ARHGAP15: variants seen among roughly 807,000 people sequenced by gnomAD.
ARHGAP15 encodes Rho GTPase activating protein 15.
A neutral mutation model predicts 63.7 loss-of-function variants in ARHGAP15; 51 were observed. That is an observed-to-expected ratio of 0.80 (90% CI 0.64 to 1.01). The LOEUF (loss-of-function observed/expected upper bound fraction) is 1.01, where lower values mean the gene tolerates loss of function less well. ARHGAP15 is among the 50% of genes least tolerant of loss of function. The pLI, the probability that ARHGAP15 is intolerant of heterozygous loss-of-function variation, is 0.00. For missense variants in ARHGAP15, 560 were observed against 564.6 expected (o/e 0.99, Z 0.08); for synonymous variants, 191 against 193.8 (o/e 0.99, Z 0.12).
intron 10 of ARHGAP15, among the ~76,000 whole-genome samples, chr2:143,545,776 A>G (rs1050762441): frequency 1.3e-5 from 2 of 152,160 alleles, no homozygotes; most frequent in South Asian, 2.1e-4. Flanking sequence ...CTTCAGCAGT[A>G]AGTTAATTAG....
At chr2:143,626,521 G>A (rs554078836) in intron 12 of ARHGAP15, among the ~76,000 whole-genome samples, 15 of 152,234 alleles carry the variant, frequency 9.9e-5, no homozygotes, top group Admixed American at 3.3e-4. Flanking sequence ...TGTGAAGAGC[G>A]AAAGGACAAA....
At chr2:143,733,955 C>CA (rs1247196229) in intron 13 of ARHGAP15, among the ~76,000 whole-genome samples, 11 of 152,046 alleles carry the variant, frequency 7.2e-5, no homozygotes, top group Non-Finnish European at 1.3e-4. Flanking sequence ...ACTACTTCTG[C>CA]AAAAAATTTG....
intron 10 of ARHGAP15, among the ~76,000 whole-genome samples, chr2:143,553,891 A>G (rs1203410094): frequency 3.9e-5 from 6 of 152,204 alleles, no homozygotes; most frequent in African/African-American, 1.4e-4. Flanking sequence ...GAAGAGTGCT[A>G]ACTTCAAAAT....
chr2:143,753,967 TCTC>T (rs1169410066), intron 13 of ARHGAP15, among the ~76,000 whole-genome samples: 1 of 152,174 alleles, frequency 6.6e-6, no homozygotes, highest in African/African-American at 2.4e-5. Context: ...CACCAACTAG[TCTC>T]CTCCACAGAT....
At chr2:143,392,419 T>G (rs946002419) in intron 6 of ARHGAP15, among the ~76,000 whole-genome samples, 5 of 152,248 alleles carry the variant, frequency 3.3e-5, no homozygotes, top group Non-Finnish European at 5.9e-5. Flanking sequence ...AAGACTTATA[T>G]GTCATCTATT....
intron 1 of ARHGAP15, among the ~76,000 whole-genome samples, chr2:143,139,667 G>A (rs969883373): frequency 1.3e-5 from 2 of 152,112 alleles, no homozygotes; most frequent in Non-Finnish European, 2.9e-5. Context: ...CGTAGAAAAA[G>A]GCAGTGAAGC....
chr2:143,174,016 T>C (rs1225852027), intron 2 of ARHGAP15, among the ~76,000 whole-genome samples: 2 of 152,122 alleles, frequency 1.3e-5, no homozygotes, highest in African/African-American at 2.4e-5. Flanking sequence ...TTGAACGATG[T>C]GATTGTGGCG....
chr2:143,527,265 T>A (rs1694320434), intron 10 of ARHGAP15, among the ~76,000 whole-genome samples: 1 of 152,064 alleles, frequency 6.6e-6, no homozygotes, highest in Non-Finnish European at 1.5e-5. Flanking sequence ...CATGACATAT[T>A]TTTTTGTACA....
intron 2 of ARHGAP15, among the ~76,000 whole-genome samples, chr2:143,186,732 G>A (rs941652160): frequency 2.0e-5 from 3 of 152,090 alleles, no homozygotes; most frequent in Non-Finnish European, 4.4e-5. Context: ...GATTTCTCCC[G>A]AAACAAACAC....
intron 1 of ARHGAP15, among the ~76,000 whole-genome samples, chr2:143,153,541 G>T (rs1689919917): frequency 6.6e-6 from 1 of 151,868 alleles, no homozygotes; most frequent in Admixed American, 6.6e-5. Flanking sequence ...TATTACTGAA[G>T]AATCATAAAG....
At chr2:143,213,450 T>C (rs951463841) in intron 3 of ARHGAP15, among the ~76,000 whole-genome samples, 4 of 152,014 alleles carry the variant, frequency 2.6e-5, no homozygotes, top group Admixed American at 2.6e-4. Context: ...GAAGCAGAGA[T>C]TGCGGTGAGC....
chr2:143,163,430 C>T (rs1236107871), intron 2 of ARHGAP15, among the ~76,000 whole-genome samples: 1 of 151,220 alleles, frequency 6.6e-6, no homozygotes, highest in African/African-American at 2.4e-5. Context: ...TATCTATATA[C>T]AGATATATAG....
At chr2:143,443,293 A>G (rs888256095) in intron 8 of ARHGAP15, among the ~76,000 whole-genome samples, 3 of 152,170 alleles carry the variant, frequency 2.0e-5, no homozygotes, top group African/African-American at 7.2e-5. Flanking sequence ...GCACAGATAA[A>G]CCATATCTAG....
intron 9 of ARHGAP15, among the ~76,000 whole-genome samples, chr2:143,492,124 T>C (rs4662206): frequency 0.98 from 149,501 of 152,238 alleles, 73,449 homozygotes; most frequent in Middle Eastern, 1. Flanking sequence ...TAAGGCGATC[T>C]GCCCGCTTTG....
intron 6 of ARHGAP15, among the ~76,000 whole-genome samples, chr2:143,396,954 T>C (rs1192613011): frequency 6.6e-6 from 1 of 152,158 alleles, no homozygotes; most frequent in African/African-American, 2.4e-5. Context: ...AGTGAGGCAA[T>C]GACTCACCTA....
At chr2:143,286,871 C>T (rs989383494) in intron 6 of ARHGAP15, among the ~76,000 whole-genome samples, 1 of 152,078 alleles carries the variant, frequency 6.6e-6, no homozygotes, top group Non-Finnish European at 1.5e-5. Flanking sequence ...TATGATGGAA[C>T]CTATTGTTTC....
intron 5 of ARHGAP15, among the ~76,000 whole-genome samples, chr2:143,231,875 G>A (rs778388687): frequency 6.6e-6 from 1 of 152,188 alleles, no homozygotes; most frequent in Non-Finnish European, 1.5e-5. Flanking sequence ...GAAAGTGAGA[G>A]AGCAGACGTT....
intron 9 of ARHGAP15, among the ~76,000 whole-genome samples, chr2:143,512,680 C>A (rs1693641007): frequency 6.6e-6 from 1 of 152,228 alleles, no homozygotes; most frequent in African/African-American, 2.4e-5. Context: ...CTCAAGAGTT[C>A]TATTAAAATG....
Position 143,485,526 on chromosome 2 carries a change from C to T in ARHGAP15, c.704-1847C>T, listed in dbSNP as rs559502747. 1.7e-4 allele frequency among the ~76,000 whole-genome samples: 26 copies of T among 152,092 alleles called. No homozygotes were observed. In the South Asian group the frequency reaches 5.0e-3, roughly 29 times the overall value. Reference sequence around the variant, plus strand: ...TTTCTCAATGTATAGATAGACCTTCCACCGATAAATGAGAACTTCAGATGG... The same window carrying T: ...TTTCTCAATGTATAGATAGACCTTCTACCGATAAATGAGAACTTCAGATGG... On this transcript the variant is annotated intron_variant, in intron 8 of 13. Coordinates refer to ENST00000295095, the MANE Select transcript of ARHGAP15 (RefSeq NM_018460.4).
Sources: gnomAD v4.1 joint callset for allele counts (sites outside exome capture counted in the v4.1 genomes callset) on GRCh38, gnomAD v4.1.1 for gene constraint, MANE v1.5 for transcripts, NCBI Gene and HGNC (gene_info 2026-07-23, HGNC 2026-07-21) for gene names.